Variants in KNDC1 observed in about 807,000 individuals in gnomAD.
KNDC1 encodes kinase non-catalytic C-lobe domain-containing protein 1.
KNDC1 carries 106 observed loss-of-function variants against 172.8 expected under a neutral mutation model. The ratio of observed to expected loss-of-function variants is 0.61; its 90% CI spans 0.52 to 0.72. KNDC1 has a LOEUF of 0.72. Ranked by LOEUF, KNDC1 falls within the 30% of genes least tolerant of loss-of-function variation. The probability of loss-of-function intolerance (pLI) is 0.00; values close to 1 mark genes in which losing one functional copy is unlikely to be tolerated. For synonymous variants in KNDC1, 1,083 were observed against 1,062.2 expected (o/e 1.02, Z -0.38); for missense variants, 2,325 against 2,394.5 (o/e 0.97, Z 0.61).
chr10:133,167,860 C>G (rs1321943250), intron 2 of KNDC1, among the ~76,000 whole-genome samples: 1 of 152,222 alleles, frequency 6.6e-6, no homozygotes, highest in Non-Finnish European at 1.5e-5. Flanking sequence ...CCCCTAAGGG[C>G]AGGCTATGCC....
At chr10:133,183,580 C>T in intron 4 of KNDC1, 90 bp downstream of exon 4, 1 of 1,388,346 alleles carries the variant, frequency 7.2e-7, no homozygotes, top group Non-Finnish European at 9.5e-7. Context: ...CGCCCAGCAG[C>T]CTCACCTGGG....
At chr10:133,220,915 C>T (rs980242721) in intron 29 of KNDC1, among the ~76,000 whole-genome samples, 5 of 152,186 alleles carry the variant, frequency 3.3e-5, no homozygotes, top group African/African-American at 1.2e-4. Context: ...CTCCTCCTGT[C>T]CTTGCTTTTC....
chr10:133,207,320 C>A lies in KNDC1; in HGVS notation c.3763C>A (p.Pro1255Thr). ...GGCCCGCATCCTGCAGGCCGGCACG[C>A]CGCTGGGGCTCATGGCCTACCTGTA... ...QKARILQAGT[P>T]LGLMAYLYSS... The change falls in exon 20 of 30, where the codon CCG becomes ACG. Residue 1255 changes from proline (P) to threonine (T), a missense_variant. By Grantham distance (38) the Pro-to-Thr change is conservative (BLOSUM62 -1). Coordinates refer to ENST00000304613, the MANE Select transcript of KNDC1 (RefSeq NM_152643.8). 6.2e-7 allele frequency: 1 copy of A among 1,612,828 alleles called. No homozygotes were observed. Among genetic ancestry groups the A allele is most frequent in the Non-Finnish European group, 8.5e-7 (1 of 1,179,910 alleles).
rs1845700697 is a variant in KNDC1, at chr10:133,225,458, CCCCTT to C, written c.*573_*577del. On this transcript the variant is annotated 3_prime_UTR_variant, in exon 30 of 30. Coordinates refer to ENST00000304613, the MANE Select transcript of KNDC1 (RefSeq NM_152643.8). ...CACAACCCAGACCCAGAACCGCTCT[CCCCTT>C]CCCTGCCCAGTGCCCCTCCTCCCCA... The C allele has an allele frequency of 6.4e-6, 1 of 157,148 alleles. No homozygotes were observed. Among genetic ancestry groups the C allele is most frequent in the African/African-American group, 2.4e-5 (1 of 41,468 alleles). 9.7% of individuals were successfully genotyped at this position (157,148 alleles called of 1,614,324 possible). A position where few individuals can be genotyped will look rare whatever the true frequency, so the allele number is the denominator to read the frequency against.
intron 17 of KNDC1, among the ~76,000 whole-genome samples, chr10:133,205,341 G>A (rs1042574062): frequency 6.6e-5 from 10 of 152,194 alleles, no homozygotes; most frequent in Non-Finnish European, 1.3e-4. Context: ...AGTGCCCGGC[G>A]GCCCTCGCCC....
At chr10:133,175,585 A>AGATGGATG (rs138113417) in intron 3 of KNDC1, among the ~76,000 whole-genome samples, 28 of 146,418 alleles carry the variant, frequency 1.9e-4, no homozygotes, top group African/African-American at 7.2e-4. Flanking sequence ...ATGGATGGGT[A>AGATGGATG]GATGGATGGA....
chr10:133,220,216 G>T, intron 29 of KNDC1, 104 bp downstream of exon 29: 3 of 685,158 alleles, frequency 4.4e-6, no homozygotes, highest in South Asian at 3.1e-5. Flanking sequence ...CAGGAGAGGA[G>T]GGGCTCAGGC....
chr10:133,194,629 C>T (rs770361912), intron 9 of KNDC1, among the ~76,000 whole-genome samples: 7 of 152,160 alleles, frequency 4.6e-5, no homozygotes, highest in South Asian at 4.1e-4. Flanking sequence ...GGGCTGTCTG[C>T]GTCTGCTGTG....
intron 5 of KNDC1, among the ~76,000 whole-genome samples, chr10:133,184,700 G>T (rs1006513613): frequency 3.9e-4 from 60 of 152,266 alleles, no homozygotes; most frequent in Admixed American, 2.0e-3. Context: ...TGTGCATCAT[G>T]TTGCCTGTGC....
In KNDC1 at chr10:133,198,053, G is replaced by A. The variant is rs550882707; in HGVS notation, c.1907-284G>A. On this transcript the variant is annotated intron_variant, in intron 12 of 29. Coordinates refer to ENST00000304613, the MANE Select transcript of KNDC1 (RefSeq NM_152643.8). ...TGGAGACCCCCAGAGTCCACACAGA[G>A]CCCACCCCACCCCCGTACTGAGCCC... is the stretch of plus-strand genomic sequence containing the variant. 2.0e-4 allele frequency among the ~76,000 whole-genome samples: 31 copies of A among 152,090 alleles called. No individual in the cohort carries two copies. The South Asian group carries it at 5.2e-3, about 26-fold the overall frequency.
At chr10:133,175,958 G>GTGGA (rs1191958963) in intron 3 of KNDC1, among the ~76,000 whole-genome samples, 15 of 147,936 alleles carry the variant, frequency 1.0e-4, no homozygotes, top group Non-Finnish European at 1.8e-4. Context: ...GAATGGATGG[G>GTGGA]TGGATGGATG....
rs373664130 is a variant in KNDC1 at position 133,211,390 on chromosome 10, C to T, written c.3909-32C>T. 5 of 1,602,170 alleles carry T rather than the reference C, an allele frequency of 3.1e-6. No individual in the cohort carries two copies. In the Admixed American group the frequency reaches 5.1e-5, roughly 16 times the overall value. ...GGCCTCTGCCCCCGACTCCCACATC[C>T]TGGCAGCTCAGCAGCTCCCCTGCGT... On this transcript the variant is annotated intron_variant, in intron 21 of 29. Coordinates refer to ENST00000304613, the MANE Select transcript of KNDC1 (RefSeq NM_152643.8).
Position 133,201,627 on chromosome 10 carries a change from C to CCG in KNDC1, c.3117_3118dup (p.Val1040AlafsTer2). On this transcript the variant is annotated frameshift_variant, in exon 17 of 30. Transcript: ENST00000304613. LOFTEE classifies it high-confidence loss of function. ...GAGGTGGGGTTTCGGCCTCAGAGGT[C>CCG]CGTAAAAGCCGAGAGAGCGCAGCAG... 6.2e-7 allele frequency: 1 copy of CCG among 1,613,078 alleles called. No homozygotes were observed. The highest frequency in any genetic ancestry group is 1.7e-5 in the Admixed American group (1 of 60,030).
chr10:133,182,646 A>G (rs906569790), intron 3 of KNDC1, among the ~76,000 whole-genome samples: 1 of 152,248 alleles, frequency 6.6e-6, no homozygotes. Flanking sequence ...CAAGGGAGGA[A>G]AACCCAGACT....
intron 5 of KNDC1, among the ~76,000 whole-genome samples, chr10:133,184,272 TGC>T (rs1222703102): frequency 9.2e-6 from 1 of 108,570 alleles, no homozygotes; most frequent in Non-Finnish European, 1.9e-5. Context: ...CACACACCCA[TGC>T]ACACACACGC....
At chr10:133,177,025 A>G (rs1279390769) in intron 3 of KNDC1, among the ~76,000 whole-genome samples, 1 of 152,194 alleles carries the variant, frequency 6.6e-6, no homozygotes, top group African/African-American at 2.4e-5. Flanking sequence ...CCTGCATGGC[A>G]GCTGACCCAG....
chr10:133,166,974 C>T (rs939495353), intron 1 of KNDC1, among the ~76,000 whole-genome samples: 14 of 152,176 alleles, frequency 9.2e-5, no homozygotes, highest in Non-Finnish European at 1.3e-4. Context: ...TAGCTCTGCA[C>T]GAGTCCACAG....
chr10:133,194,650 G>A (rs548861499), intron 9 of KNDC1, among the ~76,000 whole-genome samples: 10 of 152,172 alleles, frequency 6.6e-5, no homozygotes, highest in Non-Finnish European at 1.5e-4. Flanking sequence ...CCTGGATGGG[G>A]GAGACTCTGT....
rs113356329 is a variant in KNDC1 at position 133,210,699 on chromosome 10, G to C, written c.3883G>C (p.Asp1295His). The change falls in exon 21 of 30, where the codon GAC becomes CAC. Residue 1295 changes from aspartate to histidine, a missense_variant. Physicochemically the swap from Asp to His is moderately conservative, Grantham distance 81. Coordinates refer to ENST00000304613, the MANE Select transcript of KNDC1 (RefSeq NM_152643.8). The stretch of plus-strand genomic sequence containing the variant: ...CCACGACTTCCTGCACTTCCTCCTC[G>C]ACCGCATCAACAGCACGCTGACCAG... ...TPHDFLHFLL[D>H]RINSTLTRAH... The C allele has an allele frequency of 6.2e-7, 1 of 1,613,708 alleles. No individual in the cohort carries two copies. Among genetic ancestry groups the C allele is most frequent in the African/African-American group, 1.3e-5 (1 of 74,894 alleles).
Sources: gnomAD v4.1 joint callset for allele counts (sites outside exome capture counted in the v4.1 genomes callset) on GRCh38, gnomAD v4.1.1 for gene constraint, MANE v1.5 for transcripts, NCBI Gene and HGNC (gene_info 2026-07-23, HGNC 2026-07-21) for gene names.